The following MEGF9 variants were observed in gnomAD, a reference collection of about 807,000 sequenced individuals.
The protein encoded by MEGF9 is multiple EGF like domains 9, also known as multiple epidermal growth factor-like domains protein 9.
MEGF9 carries 6 observed loss-of-function variants against 46.8 expected under a neutral mutation model. The ratio of observed to expected loss-of-function variants is 0.13; its 90% CI spans 0.07 to 0.25. The LOEUF (loss-of-function observed/expected upper bound fraction) is 0.25, where lower values mean the gene tolerates loss of function less well. Ranked by LOEUF, MEGF9 falls within the 10% of genes least tolerant of loss-of-function variation. The pLI is 1.00. For missense variants in MEGF9, 683 were observed against 792.4 expected, an observed-to-expected ratio of 0.86 and a Z score of 1.66; for synonymous variants, 302 against 330.7, an observed-to-expected ratio of 0.91 and a Z score of 0.94.
chr9:120,610,961 C>G (rs979276712), intron 4 of MEGF9, among the ~76,000 whole-genome samples: 6 of 152,122 alleles, frequency 3.9e-5, no homozygotes, highest in Non-Finnish European at 1.5e-5. Flanking sequence ...AGGATCTGAA[C>G]AGACATTTCT....
In MEGF9 at chr9:120,602,817, T is replaced by A. The variant is rs796185500; in HGVS notation, c.*2373A>T. 1 of 152,124 alleles carries A rather than the reference T, an allele frequency of 6.6e-6. No homozygotes were observed. Among genetic ancestry groups the A allele is most frequent in the Non-Finnish European group, 1.5e-5 (1 of 68,032 alleles). The allele number at this position is 152,124 out of a possible 1,614,324, so 9.4% of individuals were successfully genotyped here. On this transcript the variant is annotated 3_prime_UTR_variant, in exon 6 of 6. Transcript: ENST00000373930. Reference sequence around the variant, plus strand: ...AAGACAGGTATGCCATTTTGCACAATTTCTTAGAATTGTGCAGTCTGTACA... The same window carrying A: ...AAGACAGGTATGCCATTTTGCACAAATTCTTAGAATTGTGCAGTCTGTACA...
In MEGF9 at chr9:120,622,725, G is replaced by A; in HGVS notation, c.834C>T (p.Val278=). The change falls in exon 3 of 6, where the codon GTC becomes GTT. Residue 278 remains valine, a synonymous_variant. Coordinates refer to ENST00000373930, the MANE Select transcript of MEGF9 (RefSeq NM_001080497.3). ...GGCATCGGTCACATATAGAGCCAAT[G>A]ACACCCACTTTGCACTGGCATTTCC... The part of the protein sequence containing the change: ...SSGKCQCKVG[V]IGSICDRCQD... The A allele has an allele frequency of 6.2e-7, 1 of 1,613,716 alleles. No homozygotes were observed.
At chr9:120,653,378 A>AT (rs1004126538) in intron 2 of MEGF9, among the ~76,000 whole-genome samples, 13 of 149,218 alleles carry the variant, frequency 8.7e-5, no homozygotes, top group African/African-American at 2.9e-4. Context: ...TATTTTATTT[A>AT]TTTTTTTTTT....
rs1350335620 is a variant in MEGF9 at position 120,693,949 on chromosome 9, G to C, written c.601+19809C>G. Among the ~76,000 whole-genome samples the C allele has an allele frequency of 2.0e-5, 3 of 151,776 alleles. No homozygotes were observed. The South Asian group carries it at 6.2e-4, about 31-fold the overall frequency. ...TAAAAAAAAAAAAATAAAGGTAAAA[G>C]TAAAATGGACAGAGCAGTATGTGAG... On this transcript the variant is annotated intron_variant, in intron 1 of 5. Coordinates refer to ENST00000373930, the MANE Select transcript of MEGF9 (RefSeq NM_001080497.3).
chr9:120,612,277 T>C, intron 4 of MEGF9, 119 bp downstream of exon 4: 1 of 890,792 alleles, frequency 1.1e-6, no homozygotes. Flanking sequence ...AAACTTTTGC[T>C]GTTTTTATAA....
intron 1 of MEGF9, among the ~76,000 whole-genome samples, chr9:120,670,137 C>T (rs2043742152): frequency 6.6e-6 from 1 of 152,226 alleles, no homozygotes; most frequent in Non-Finnish European, 1.5e-5. Context: ...CACTCTGTCA[C>T]CCAGGCTAGA....
At chr9:120,631,920 T>A (rs1217247366) in intron 2 of MEGF9, among the ~76,000 whole-genome samples, 2 of 151,968 alleles carry the variant, frequency 1.3e-5, no homozygotes, top group African/African-American at 4.8e-5. Context: ...CACCTTCTCC[T>A]TCTCCTTCTC....
At chr9:120,683,329 G>C (rs1158835379) in intron 1 of MEGF9, among the ~76,000 whole-genome samples, 2 of 151,672 alleles carry the variant, frequency 1.3e-5, no homozygotes, top group African/African-American at 4.9e-5. Context: ...GAACGAAATG[G>C]TTTGGCTGTG....
intron 4 of MEGF9, among the ~76,000 whole-genome samples, chr9:120,611,768 C>A (rs1052100213): frequency 7.3e-6 from 1 of 137,376 alleles, no homozygotes; most frequent in Non-Finnish European, 1.6e-5. Flanking sequence ...CTCAACAAAG[C>A]TATTATTTAA....
intron 1 of MEGF9, among the ~76,000 whole-genome samples, chr9:120,705,632 T>TAA (rs1292724955): frequency 1.3e-5 from 2 of 152,024 alleles, no homozygotes; most frequent in African/African-American, 4.8e-5. Flanking sequence ...GAGAGATTAT[T>TAA]TTGATACAAA....
At chr9:120,672,423 T>G (rs1372397206) in intron 1 of MEGF9, among the ~76,000 whole-genome samples, 1 of 140,138 alleles carries the variant, frequency 7.1e-6, no homozygotes, top group Admixed American at 7.4e-5. Flanking sequence ...TGAGACCCCA[T>G]CTCTACAGAA....
intron 1 of MEGF9, among the ~76,000 whole-genome samples, chr9:120,662,169 T>C (rs569004922): frequency 6.6e-6 from 1 of 152,370 alleles, no homozygotes; most frequent in East Asian, 1.9e-4. Context: ...TAATATTTTT[T>C]CCAGTGAAGT....
chr9:120,645,072 C>T (rs1307997473), intron 2 of MEGF9, among the ~76,000 whole-genome samples: 1 of 152,128 alleles, frequency 6.6e-6, no homozygotes, highest in Non-Finnish European at 1.5e-5. Context: ...CCTTTAGTTA[C>T]ATAAGTATAG....
In MEGF9 at chr9:120,702,162, G is replaced by A. The variant is rs115991992; in HGVS notation, c.601+11596C>T. Among the ~76,000 whole-genome samples, 1,282 of 152,262 alleles carry A rather than the reference G, an allele frequency of 8.4e-3. 15 individuals carry two copies. Among genetic ancestry groups the A allele is most frequent in the African/African-American group, 0.029 (1,217 of 41,540 alleles). Reference sequence around the variant, plus strand: ...AGGTCTCAGTTAAATTTTGCCTAAAGGTACCAAATCTTAGATATGTCATTC... The same window carrying A: ...AGGTCTCAGTTAAATTTTGCCTAAAAGTACCAAATCTTAGATATGTCATTC... On this transcript the variant is annotated intron_variant, in intron 1 of 5. Transcript: ENST00000373930.
intron 1 of MEGF9, among the ~76,000 whole-genome samples, chr9:120,682,381 T>A (rs1358215497): frequency 6.6e-6 from 1 of 152,200 alleles, no homozygotes; most frequent in Non-Finnish European, 1.5e-5. Context: ...AGGTTAGAAC[T>A]ATTTGCTCAT....
At chr9:120,650,526 C>T (rs557392259) in intron 2 of MEGF9, among the ~76,000 whole-genome samples, 1 of 151,702 alleles carries the variant, frequency 6.6e-6, no homozygotes, top group East Asian at 1.9e-4. Context: ...TTTGTGTTTG[C>T]ACACAAAGAC....
intron 1 of MEGF9, among the ~76,000 whole-genome samples, chr9:120,697,790 G>T (rs907849138): frequency 6.6e-6 from 1 of 152,086 alleles, no homozygotes; most frequent in African/African-American, 2.4e-5. Flanking sequence ...GCTACTGAAA[G>T]CGAACCTGGA....
intron 1 of MEGF9, among the ~76,000 whole-genome samples, chr9:120,700,854 G>A (rs1377308664): frequency 2.6e-5 from 4 of 152,030 alleles, no homozygotes; most frequent in African/African-American, 9.7e-5. Context: ...GCTGAGGTGG[G>A]CAGATGGCTT....
At chr9:120,642,938 T>C (rs2043609226) in intron 2 of MEGF9, among the ~76,000 whole-genome samples, 1 of 152,314 alleles carries the variant, frequency 6.6e-6, no homozygotes. Context: ...AAACCCCAAA[T>C]TGTTGAAACA....
Sources: gnomAD v4.1 joint callset for allele counts (sites outside exome capture counted in the v4.1 genomes callset) on GRCh38, gnomAD v4.1.1 for gene constraint, MANE v1.5 for transcripts, NCBI Gene and HGNC (gene_info 2026-07-23, HGNC 2026-07-21) for gene names.